Variants in ADAMTSL2 observed in about 807,000 individuals in gnomAD.
The protein encoded by ADAMTSL2 is ADAMTS like 2, also known as ADAMTS-like protein 2.
A neutral mutation model predicts 117.0 loss-of-function variants in ADAMTSL2; 55 were observed. The ratio of observed to expected loss-of-function variants is 0.47; its 90% CI spans 0.38 to 0.59. ADAMTSL2 has a LOEUF of 0.59. Among genes scored for constraint, ADAMTSL2 ranks in the 20% least tolerant of loss-of-function variants. ADAMTSL2 has a pLI of 0.00. For missense variants in ADAMTSL2, 1,182 were observed against 1,354.5 expected (o/e 0.87, Z 2.00); for synonymous variants, 572 against 566.4 (o/e 1.01, Z -0.14).
At chr9:133,568,135 C>G in intron 13 of ADAMTSL2, 138 bp from the exon 14 acceptor site, 1 of 904,320 alleles carries the variant, frequency 1.1e-6, no homozygotes, top group Non-Finnish European at 1.7e-6. Context: ...ACCCTCCTGT[C>G]TGGCTTAGCT....
chr9:133,551,836 T>G (rs28857919), intron 9 of ADAMTSL2, among the ~76,000 whole-genome samples: 46,234 of 145,542 alleles, frequency 0.32, 7,973 homozygotes, highest in Middle Eastern at 0.4. Flanking sequence ...TTTTTTTTTT[T>G]TTGTTATTTT....
rs992550972 is a variant in ADAMTSL2, at chr9:133,573,926, G to A, written c.2676G>A (p.Pro892=). 7.4e-6 allele frequency: 12 copies of A among 1,614,112 alleles called. No homozygotes were observed. The highest frequency in any genetic ancestry group is 5.0e-5 in the Admixed American group (3 of 60,032). ...QGTDIVRGCD[P]LVKPVGRQAC... is the part of the protein sequence containing the mutation. ...CCGACATCGTCCGTGGTTGCGATCC[G>A]TTGGTGAAGCCCGTTGGCAGACAGG... The change falls in exon 18 of 19, where the codon CCG becomes CCA. Residue 892 remains proline (P), a synonymous_variant. Coordinates refer to ENST00000651351, the MANE Select transcript of ADAMTSL2 (RefSeq NM_014694.4).
rs904894177 is a variant in ADAMTSL2, at chr9:133,554,583, C to T, written c.1166C>T (p.Pro389Leu). The change falls in exon 10 of 19, where the codon CCG (proline) becomes CTG (leucine). Residue 389 changes from proline to leucine, a missense_variant. Around this residue, in one of 3 missense-constraint regions of ADAMTSL2, gnomAD observed 345 missense variants for 325.8 expected, o/e 1.06. Coordinates refer to ENST00000651351, the MANE Select transcript of ADAMTSL2 (RefSeq NM_014694.4). This position sits in a 1 kb window ranked among gnomAD's most constrained non-coding sequence, Gnocchi z 5.2. ...LGLDNRLFGH[P>L]GLDMELGPSQ... ...CTGGACAACCGGCTGTTCGGCCACC[C>T]GGGCCTGGACATGGAGCTGGGCCCC... 1.1e-4 allele frequency: 169 copies of T among 1,546,910 alleles called. No individual in the cohort carries two copies. In the African/African-American group the frequency reaches 1.8e-3, roughly 17 times the overall value.
chr9:133,558,917 C>T lies in ADAMTSL2; in HGVS notation c.1650-2281C>T, dbSNP rs976368090. On this transcript the variant is annotated intron_variant, in intron 11 of 18. Coordinates refer to ENST00000651351, the MANE Select transcript of ADAMTSL2 (RefSeq NM_014694.4). The surrounding 1 kb of genome is among the most constrained non-coding windows in gnomAD (Gnocchi z 4.3). ...CTGCTATGCCCCACACGTGCTGCTG[C>T]GAAGAGTGTGTGGGCAGCCCCTCCA... 2.0e-5 allele frequency among the ~76,000 whole-genome samples: 3 copies of T among 152,230 alleles called. No homozygotes were observed. Among genetic ancestry groups the T allele is most frequent in the Admixed American group, 6.5e-5 (1 of 15,292 alleles).
At chr9:133,553,907 C>T (rs1380139221) in intron 9 of ADAMTSL2, among the ~76,000 whole-genome samples, 1 of 152,256 alleles carries the variant, frequency 6.6e-6, no homozygotes, top group East Asian at 1.9e-4. Context: ...GGTCTTTGTA[C>T]TCCCACCTGG....
Position 133,570,352 on chromosome 9 carries a change from G to A in ADAMTSL2, c.2437G>A (p.Gly813Arg), listed in dbSNP as rs1831075706. The A allele has an allele frequency of 5.2e-6, 8 of 1,549,260 alleles. No individual in the cohort carries two copies. The highest frequency in any genetic ancestry group is 2.6e-6 in the Non-Finnish European group (3 of 1,148,204). ...TCAGTGCAACACCACCTGCGGGCGCGGGGTCAAGAAGCGGCTGGTGCTCTG... is the reference window on the plus strand; with the variant it reads ...TCAGTGCAACACCACCTGCGGGCGCAGGGTCAAGAAGCGGCTGGTGCTCTG... The part of the protein sequence containing the change: ...WERCNTTCGR[G>R]VKKRLVLCME... Residue 813 changes from glycine to arginine, a missense_variant, in exon 17 of 19, where the codon GGG becomes AGG. Physicochemically the swap from Gly to Arg is moderately radical, Grantham distance 125. Around this residue, in one of 3 missense-constraint regions of ADAMTSL2, gnomAD observed 465 missense variants for 565.3 expected, o/e 0.82. Coordinates refer to ENST00000651351, the MANE Select transcript of ADAMTSL2 (RefSeq NM_014694.4).
chr9:133,532,813 G>A (rs1829969034), upstream of ADAMTSL2, among the ~76,000 whole-genome samples: 1 of 152,184 alleles, frequency 6.6e-6, no homozygotes, highest in Admixed American at 6.5e-5. Context: ...GGCTGGCCAG[G>A]GGAGCTGGGG....
At chr9:133,541,121 ACCT>A in intron 7 of ADAMTSL2, 120 bp downstream of exon 7, 1 of 1,440,148 alleles carries the variant, frequency 6.9e-7, no homozygotes, top group Non-Finnish European at 9.5e-7. Flanking sequence ...CTCTAGGGGC[ACCT>A]GATTCAGCAT....
rs1831053892 is a variant in ADAMTSL2, at chr9:133,569,443, G to C, written c.2280G>C (p.Arg760Ser). 2.5e-6 allele frequency: 4 copies of C among 1,613,446 alleles called. No individual in the cohort carries two copies. The Admixed American group carries it at 6.7e-5, about 27-fold the overall frequency. Residue 760 changes from arginine (R) to serine (S), a missense_variant, in exon 16 of 19, where the codon AGG (arginine) becomes AGC (serine). By Grantham distance (110) the Arg-to-Ser change is moderately radical. Around this residue, in one of 3 missense-constraint regions of ADAMTSL2, gnomAD observed 465 missense variants for 565.3 expected, o/e 0.82. Coordinates refer to ENST00000651351, the MANE Select transcript of ADAMTSL2 (RefSeq NM_014694.4). ...GCTGCGGGCAAGGCCGCACCATCAG[G>C]CACGTGTACTGCAAGACCAGCGACG... ...SGSCGQGRTI[R>S]HVYCKTSDGR...
Position 133,544,458 on chromosome 9 carries a change from T to C in ADAMTSL2, c.683-12T>C, listed in dbSNP as rs9802778. The C allele has an allele frequency of 6.2e-7, 1 of 1,610,952 alleles. No homozygotes were observed. Among genetic ancestry groups the C allele is most frequent in the Non-Finnish European group, 8.5e-7 (1 of 1,177,310 alleles). On this transcript the variant is annotated splice_polypyrimidine_tract_variant and intron_variant, in intron 7 of 18. Coordinates refer to ENST00000651351, the MANE Select transcript of ADAMTSL2 (RefSeq NM_014694.4). ...AATCAAGAGGGGCTCACTGTCATCC[T>C]TTTGCCTCCAGGTTACTCTCTGGTG...
chr9:133,543,742 C>G (rs1447684859), intron 7 of ADAMTSL2, among the ~76,000 whole-genome samples: 2 of 152,270 alleles, frequency 1.3e-5, no homozygotes, highest in African/African-American at 4.8e-5. Flanking sequence ...CCCTTCTTTC[C>G]TGTCCCAGGG....
In ADAMTSL2 at chr9:133,558,923, G is replaced by C. The variant is rs1830666614; in HGVS notation, c.1650-2275G>C. ...TGCCCCACACGTGCTGCTGCGAAGA[G>C]TGTGTGGGCAGCCCCTCCAGAAATA... On this transcript the variant is annotated intron_variant, in intron 11 of 18. Coordinates refer to ENST00000651351, the MANE Select transcript of ADAMTSL2 (RefSeq NM_014694.4). This position sits in a 1 kb window ranked among gnomAD's most constrained non-coding sequence, Gnocchi z 4.3. Among the ~76,000 whole-genome samples, 2 of 152,224 alleles carry C rather than the reference G, an allele frequency of 1.3e-5. No homozygotes were observed. The highest frequency in any genetic ancestry group is 1.5e-5 in the Non-Finnish European group (1 of 68,042).
Position 133,545,962 on chromosome 9 carries a change from G to A in ADAMTSL2, c.764-1076G>A, listed in dbSNP as rs59118349. On this transcript the variant is annotated intron_variant, in intron 8 of 18. Transcript: ENST00000651351. ...CAAGCAGACATGTCCTGCTTGTTGCGTCTGTCTGATAATAAATTAATTGCC... is the reference window on the plus strand; with the variant it reads ...CAAGCAGACATGTCCTGCTTGTTGCATCTGTCTGATAATAAATTAATTGCC... Among the ~76,000 whole-genome samples the A allele has an allele frequency of 1.1e-3, 174 of 152,128 alleles. 4 individuals are homozygous for A. The East Asian group carries it at 0.031, about 27-fold the overall frequency.
rs1564181688 is a variant in ADAMTSL2, at chr9:133,568,678, C to T, written c.2164C>T (p.Pro722Ser). 1.7e-5 allele frequency: 28 copies of T among 1,613,508 alleles called. No homozygotes were observed. The East Asian group carries it at 2.7e-4, about 15-fold the overall frequency. The change falls in exon 15 of 19, where the codon CCC becomes TCC. Residue 722 changes from proline to serine, a missense_variant. By Grantham distance (74) the Pro-to-Ser change is moderately conservative (BLOSUM62 -1). Around this residue, in one of 3 missense-constraint regions of ADAMTSL2, gnomAD observed 465 missense variants for 565.3 expected, o/e 0.82. Coordinates refer to ENST00000651351, the MANE Select transcript of ADAMTSL2 (RefSeq NM_014694.4). ...CTCGGAGGATGAGAAGCTGTGTGAC[C>T]CCAACACCAGGCCTGTAGGGGAGAA... ...RCSEDEKLCD[P>S]NTRPVGEKNC...
At chr9:133,539,678 T>TCCCGGCTGTCCCGGCTGTCCCGGCTGC (rs1830157838) in intron 4 of ADAMTSL2, 93 bp from the exon 5 acceptor site, 11 of 1,314,550 alleles carry the variant, frequency 8.4e-6, no homozygotes, top group South Asian at 1.3e-5. Context: ...GTCCCGGCTG[T>TCCCGGCTGTCCCGGCTGTCCCGGCTGC]CCCGGCTGCA....
chr9:133,557,690 G>A lies in ADAMTSL2; in HGVS notation c.1649+1760G>A, dbSNP rs963577138. 2.6e-5 allele frequency among the ~76,000 whole-genome samples: 4 copies of A among 152,180 alleles called. No homozygotes were observed. The highest frequency in any genetic ancestry group is 6.5e-5 in the Admixed American group (1 of 15,286). ...AGTCCGGGGCATTCCCTGGTATTCC[G>A]TGTGTGAGGCCCACGGTAAGGCCTC... On this transcript the variant is annotated intron_variant, in intron 11 of 18. Transcript: ENST00000651351. This position sits in a 1 kb window ranked among gnomAD's most constrained non-coding sequence, Gnocchi z 5.2.
intron 4 of ADAMTSL2, 125 bp from the exon 5 acceptor site, chr9:133,539,645 GC>G: frequency 1.3e-5 from 1 of 76,932 alleles, no homozygotes; most frequent in Admixed American, 1.9e-4. Context: ...GTGGGCCGTG[GC>G]CCCCGCACGG....
intron 9 of ADAMTSL2, among the ~76,000 whole-genome samples, chr9:133,553,503 A>C (rs1830534271): frequency 6.6e-6 from 1 of 151,752 alleles, no homozygotes; most frequent in Non-Finnish European, 1.5e-5. Flanking sequence ...GCCCCAGCCA[A>C]CTCTCAAACA....
At chr9:133,568,523 A>G in intron 14 of ADAMTSL2, 37 bp downstream of exon 14, 1 of 1,572,944 alleles carries the variant, frequency 6.4e-7, no homozygotes, top group Non-Finnish European at 8.6e-7. Context: ...GGTCGGGAAG[A>G]GCTGGGGAGC....
Sources: allele counts gnomAD v4.1 joint callset (sites outside exome capture counted in the v4.1 genomes callset), GRCh38; gene constraint gnomAD v4.1.1; regional missense constraint gnomAD v4.1.1; non-coding constraint Gnocchi (gnomAD v3.1); transcripts MANE v1.5; gene names NCBI Gene and HGNC (gene_info 2026-07-23, HGNC 2026-07-21).